Variants in CRISPLD2 observed in about 807,000 individuals in gnomAD.
CRISPLD2 encodes cysteine-rich secretory protein LCCL domain-containing 2.
Under a neutral mutation model 71.1 loss-of-function variants are expected in CRISPLD2, and 47 were observed. That is an observed-to-expected ratio of 0.66 (90% CI 0.52 to 0.84). The LOEUF (loss-of-function observed/expected upper bound fraction) is 0.84, where lower values mean the gene tolerates loss of function less well. Among genes scored for constraint, CRISPLD2 ranks in the 40% least tolerant of loss-of-function variants. The pLI is 0.00. For missense variants in CRISPLD2, 830 were observed against 651.1 expected, an observed-to-expected ratio of 1.27 and a Z score of -2.99; for synonymous variants, 317 against 250.1, an observed-to-expected ratio of 1.27 and a Z score of -2.52.
At chr16:84,883,695 A>C (rs536255321) in intron 13 of CRISPLD2, among the ~76,000 whole-genome samples, 1 of 152,328 alleles carries the variant, frequency 6.6e-6, no homozygotes, top group East Asian at 1.9e-4. Context: ...CTGCATGTTG[A>C]GGACCACTGG....
intron 14 of CRISPLD2, among the ~76,000 whole-genome samples, chr16:84,893,411 G>A (rs1341417825): frequency 2.0e-5 from 3 of 152,184 alleles, no homozygotes; most frequent in African/African-American, 7.2e-5. Flanking sequence ...TCAGGATGAG[G>A]GGTCAGGGAT....
intron 5 of CRISPLD2, among the ~76,000 whole-genome samples, chr16:84,851,590 C>G (rs564449917): frequency 6.6e-6 from 1 of 152,334 alleles, no homozygotes; most frequent in Admixed American, 6.5e-5. Context: ...GAAGCCCTCT[C>G]AAAACCATCT....
Position 84,866,933 on chromosome 16 carries a change from T to C in CRISPLD2, c.746T>C (p.Met249Thr), listed in dbSNP as rs781599140. 1 of 1,614,058 alleles carries C rather than the reference T, an allele frequency of 6.2e-7. No individual in the cohort carries two copies. The highest frequency in any genetic ancestry group is 1.1e-5 in the South Asian group (1 of 91,074). Reference protein sequence around the residue: ...TYTPKPETDEMNEVETAPIPE... With the variant: ...TYTPKPETDETNEVETAPIPE... Reference sequence around the variant, plus strand: ...ACTCCAAAACCTGAAACGGACGAGATGAATGAGGTGGAAACGGCTCCCATT... The same window carrying C: ...ACTCCAAAACCTGAAACGGACGAGACGAATGAGGTGGAAACGGCTCCCATT... Residue 249 changes from methionine (M) to threonine (T), a missense_variant, in exon 7 of 15, where the codon ATG becomes ACG. Transcript: ENST00000262424.
chr16:84,850,739 A>C, intron 5 of CRISPLD2, 56 bp downstream of exon 5: 1 of 1,394,988 alleles, frequency 7.2e-7, no homozygotes, highest in Non-Finnish European at 1.0e-6. Context: ...TTTGCTTGCC[A>C]GGGAGCACCC....
intron 5 of CRISPLD2, among the ~76,000 whole-genome samples, chr16:84,852,701 C>G (rs1262017724): frequency 6.6e-6 from 1 of 150,996 alleles, no homozygotes; most frequent in Non-Finnish European, 1.5e-5. Flanking sequence ...ATTCCCAACC[C>G]GACAAGGGGT....
chr16:84,827,140 C>T (rs539837928), intron 1 of CRISPLD2, among the ~76,000 whole-genome samples: 1 of 150,786 alleles, frequency 6.6e-6, no homozygotes, highest in Non-Finnish European at 1.5e-5. Flanking sequence ...TGCCCCCGCA[C>T]CCCCCAAGGT....
chr16:84,857,250 A>T (rs1362971860), intron 6 of CRISPLD2, among the ~76,000 whole-genome samples: 2 of 152,228 alleles, frequency 1.3e-5, no homozygotes, highest in Non-Finnish European at 2.9e-5. Flanking sequence ...CCATTGGGCG[A>T]TGACAGAGGT....
chr16:84,879,279 A>C (rs1053211963), intron 12 of CRISPLD2, among the ~76,000 whole-genome samples: 7 of 152,272 alleles, frequency 4.6e-5, no homozygotes, highest in African/African-American at 1.7e-4. Context: ...GACACAGTGC[A>C]ATATGCAAAA....
At chr16:84,838,992 G>C (rs768625529) in intron 2 of CRISPLD2, 1 of 609,742 alleles carries the variant, frequency 1.6e-6, no homozygotes, top group Non-Finnish European at 3.0e-6. Context: ...GGGGTTAAGC[G>C]ATCCTGCTTC....
intron 1 of CRISPLD2, among the ~76,000 whole-genome samples, chr16:84,834,254 TC>T (rs1245622803): frequency 6.6e-6 from 1 of 152,194 alleles, no homozygotes; most frequent in Non-Finnish European, 1.5e-5. Context: ...GCGGCCCCCT[TC>T]GCCCTGAGGG....
At chr16:84,885,812 CTTTTTT>C (rs781115960) in intron 13 of CRISPLD2, among the ~76,000 whole-genome samples, 1 of 95,774 alleles carries the variant, frequency 1.0e-5, no homozygotes, top group Admixed American at 1.3e-4. Flanking sequence ...TGGATCCCTT[CTTTTTT>C]TTTTTTTTTT....
intron 6 of CRISPLD2, among the ~76,000 whole-genome samples, chr16:84,857,774 G>T (rs1049173974): frequency 3.3e-5 from 5 of 152,180 alleles, no homozygotes; most frequent in African/African-American, 1.2e-4. Flanking sequence ...GGTACAGGCT[G>T]GGGGAAAGAA....
At chr16:84,836,793 C>G (rs749224605) in intron 1 of CRISPLD2, among the ~76,000 whole-genome samples, 9 of 152,172 alleles carry the variant, frequency 5.9e-5, no homozygotes, top group Non-Finnish European at 1.2e-4. Context: ...TGGTAAACAC[C>G]TGGTTGGTGC....
At chr16:84,838,816 CTGT>C (rs1480358887) in intron 2 of CRISPLD2, 81 bp downstream of exon 2, 2 of 1,526,838 alleles carry the variant, frequency 1.3e-6, no homozygotes, top group African/African-American at 2.7e-5. Flanking sequence ...CCAGCCAGCT[CTGT>C]TCCCCAGCCA....
intron 13 of CRISPLD2, 109 bp downstream of exon 13, chr16:84,880,693 AAATTAATTAATTAATT>A (rs35870995): frequency 3.4e-6 from 2 of 593,716 alleles, no homozygotes; most frequent in Admixed American, 5.8e-5. Context: ...CCTCTTAGCT[AAATTAATTAATTAATT>A]AATTAATTAA....
intron 1 of CRISPLD2, among the ~76,000 whole-genome samples, chr16:84,821,847 G>A (rs558008009): frequency 4.6e-5 from 7 of 152,310 alleles, no homozygotes; most frequent in Admixed American, 1.3e-4. Flanking sequence ...GGGTTTCCAC[G>A]GATGAGCTCA....
chr16:84,847,260 C>G (rs1216345257), intron 3 of CRISPLD2, among the ~76,000 whole-genome samples: 1 of 152,222 alleles, frequency 6.6e-6, no homozygotes, highest in Non-Finnish European at 1.5e-5. Flanking sequence ...GTTTTCAGGA[C>G]AAACCTGGGC....
In CRISPLD2 at chr16:84,867,625, G is replaced by A. The variant is rs568530509; in HGVS notation, c.853+585G>A. Among the ~76,000 whole-genome samples, 6 of 152,318 alleles carry A rather than the reference G, an allele frequency of 3.9e-5. No individual in the cohort carries two copies. The East Asian group carries it at 5.8e-4, about 15-fold the overall frequency. On this transcript the variant is annotated intron_variant, in intron 7 of 14. Coordinates refer to ENST00000262424, the MANE Select transcript of CRISPLD2 (RefSeq NM_031476.4). ...CTTGTCACCCAGGTTGGAGTCCAGT[G>A]GCATGATCTCGGCTCACTGCAACCT...
rs781637610 is a variant in CRISPLD2 at position 84,889,218 on chromosome 16, C to T, written c.1306-12C>T. The T allele has an allele frequency of 2.5e-6, 4 of 1,613,918 alleles. No individual in the cohort carries two copies. The African/African-American group carries it at 5.3e-5, about 22-fold the overall frequency. On this transcript the variant is annotated splice_polypyrimidine_tract_variant and intron_variant, in intron 13 of 14. Coordinates refer to ENST00000262424, the MANE Select transcript of CRISPLD2 (RefSeq NM_031476.4). ...TCCGCATCGCTGATCACAGCCCTTC[C>T]TGTGCTTCCAGACCTCAAGCATCTG... is the stretch of plus-strand genomic sequence containing the variant.
Sources: gnomAD v4.1 joint callset for allele counts (sites outside exome capture counted in the v4.1 genomes callset) on GRCh38, gnomAD v4.1.1 for gene constraint, MANE v1.5 for transcripts, NCBI Gene and HGNC (gene_info 2026-07-23, HGNC 2026-07-21) for gene names.